Variants in KCNJ6 observed in about 807,000 individuals in gnomAD.
KCNJ6 encodes the protein G protein-activated inward rectifier potassium channel 2.
Under a neutral mutation model 34.2 loss-of-function variants are expected in KCNJ6, and 9 were observed. The ratio of observed to expected loss-of-function variants is 0.26; its 90% CI spans 0.16 to 0.46. The LOEUF is 0.46. Ranked by LOEUF, KCNJ6 falls within the 20% of genes least tolerant of loss-of-function variation. The probability of loss-of-function intolerance (pLI) is 1.00; values close to 1 mark genes in which losing one functional copy is unlikely to be tolerated. For missense variants in KCNJ6, 236 were observed against 531.3 expected, an observed-to-expected ratio of 0.44 and a Z score of 5.46; for synonymous variants, 196 against 207.1, an observed-to-expected ratio of 0.95 and a Z score of 0.46.
At chr21:37,726,182 A>G (rs2054853633) in intron 2 of KCNJ6, among the ~76,000 whole-genome samples, 3 of 152,196 alleles carry the variant, frequency 2.0e-5, no homozygotes, top group Admixed American at 6.5e-5. Flanking sequence ...CTGGGATTAC[A>G]GGTGTGAGCC....
chr21:37,729,778 A>G (rs2054874793), intron 2 of KCNJ6, among the ~76,000 whole-genome samples: 2 of 152,224 alleles, frequency 1.3e-5, no homozygotes, highest in Non-Finnish European at 2.9e-5. Flanking sequence ...AACCTAGTCA[A>G]TGCTTCCCCT....
chr21:37,895,536 A>G (rs2055783433), intron 1 of KCNJ6, among the ~76,000 whole-genome samples: 1 of 152,130 alleles, frequency 6.6e-6, no homozygotes, highest in Non-Finnish European at 1.5e-5. Context: ...ACCTTCACTG[A>G]CCCCATAGAG....
chr21:37,647,606 C>CA (rs1569437032), intron 3 of KCNJ6, among the ~76,000 whole-genome samples: 1 of 152,160 alleles, frequency 6.6e-6, no homozygotes, highest in East Asian at 1.9e-4. Flanking sequence ...TAATCCCCCC[C>CA]AGAGTTAGGC....
At chr21:37,825,093 T>C (rs2055392649) in intron 2 of KCNJ6, among the ~76,000 whole-genome samples, 1 of 152,112 alleles carries the variant, frequency 6.6e-6, no homozygotes, top group South Asian at 2.1e-4. Flanking sequence ...GCATTTAGGG[T>C]CCACCTGGAT....
At chr21:37,870,587 A>ATT (rs201091934) in intron 1 of KCNJ6, among the ~76,000 whole-genome samples, 44,334 of 147,658 alleles carry the variant, frequency 0.3, 7,297 homozygotes, top group African/African-American at 0.46. Context: ...AACAATTCAA[A>ATT]ATTTTGTTTT....
At chr21:37,844,399 A>C (rs2055496417) in intron 1 of KCNJ6, among the ~76,000 whole-genome samples, 1 of 151,910 alleles carries the variant, frequency 6.6e-6, no homozygotes, top group Non-Finnish European at 1.5e-5. Flanking sequence ...GCTGCACTCT[A>C]CTTAGGAGAC....
rs2054242286 is a variant in KCNJ6 at position 37,611,426 on chromosome 21, A to G, written c.*13733T>C. On this transcript the variant is annotated 3_prime_UTR_variant, in exon 4 of 4. Transcript: ENST00000609713. ...ATTCTACCAAAGACTTAAGGAAGAA[A>G]TGATACTGATTATCTACAATCTCTT... The G allele has an allele frequency of 6.6e-6, 1 of 152,246 alleles. No individual in the cohort carries two copies. Among genetic ancestry groups the G allele is most frequent in the Admixed American group, 6.5e-5 (1 of 15,292 alleles). The allele number at this position is 152,246 out of a possible 1,614,324, so 9.4% of individuals were successfully genotyped here.
chr21:37,875,386 C>T (rs549389184), intron 1 of KCNJ6, among the ~76,000 whole-genome samples: 125 of 152,272 alleles, frequency 8.2e-4, no homozygotes, highest in African/African-American at 2.7e-3. Context: ...GCTCGCCCAT[C>T]CTGCTTCCTC....
At chr21:37,889,033 C>T (rs539545438) in intron 1 of KCNJ6, among the ~76,000 whole-genome samples, 1 of 152,326 alleles carries the variant, frequency 6.6e-6, no homozygotes, top group South Asian at 2.1e-4. Context: ...TTCCCCAAAC[C>T]CACTTGCTGT....
intron 1 of KCNJ6, among the ~76,000 whole-genome samples, chr21:37,910,257 A>G (rs1224216447): frequency 6.6e-6 from 1 of 152,222 alleles, no homozygotes; most frequent in Admixed American, 6.5e-5. Flanking sequence ...ACCTTGATGC[A>G]GATTCAGTTA....
At chr21:37,689,574 A>G (rs2054630504) in intron 3 of KCNJ6, among the ~76,000 whole-genome samples, 1 of 152,018 alleles carries the variant, frequency 6.6e-6, no homozygotes, top group Non-Finnish European at 1.5e-5. Flanking sequence ...TTCTTAATAC[A>G]TACTAGGCAC....
chr21:37,854,896 A>G (rs148082593), intron 1 of KCNJ6, among the ~76,000 whole-genome samples: 24 of 152,376 alleles, frequency 1.6e-4, no homozygotes, highest in African/African-American at 5.5e-4. Flanking sequence ...AAGGGGAAAT[A>G]AATCCACGAA....
intron 3 of KCNJ6, among the ~76,000 whole-genome samples, chr21:37,684,893 T>A (rs1033657933): frequency 6.6e-6 from 1 of 152,176 alleles, no homozygotes; most frequent in Non-Finnish European, 1.5e-5. Flanking sequence ...TTTCCAAGTA[T>A]AACATAAAAC....
At chr21:37,881,874 G>T (rs180748796) in intron 1 of KCNJ6, among the ~76,000 whole-genome samples, 20 of 152,224 alleles carry the variant, frequency 1.3e-4, no homozygotes, top group African/African-American at 3.9e-4. Flanking sequence ...AGGACAGCTG[G>T]GTCCTGACAG....
intron 2 of KCNJ6, among the ~76,000 whole-genome samples, chr21:37,793,339 A>G (rs1171331686): frequency 2.6e-5 from 4 of 152,112 alleles, no homozygotes; most frequent in Non-Finnish European, 5.9e-5. Context: ...GACCTGTGAC[A>G]CCATGAGTCA....
intron 3 of KCNJ6, among the ~76,000 whole-genome samples, chr21:37,667,723 C>A (rs2123404808): frequency 6.6e-6 from 1 of 152,144 alleles, no homozygotes; most frequent in South Asian, 2.1e-4. Context: ...GCATTCTCTG[C>A]CTCTGATCAC....
intron 1 of KCNJ6, among the ~76,000 whole-genome samples, chr21:37,894,946 C>T (rs2055780758): frequency 6.6e-6 from 1 of 152,000 alleles, no homozygotes; most frequent in Non-Finnish European, 1.5e-5. Flanking sequence ...TTTCTATTTT[C>T]CTCTTCTTCA....
chr21:37,779,399 T>C (rs1007826821), intron 2 of KCNJ6, among the ~76,000 whole-genome samples: 7 of 152,192 alleles, frequency 4.6e-5, no homozygotes, highest in Non-Finnish European at 1.0e-4. Context: ...TTTCAAGGTA[T>C]AGCAATGAGA....
At chr21:37,767,701 A>G (rs2055098222) in intron 2 of KCNJ6, among the ~76,000 whole-genome samples, 1 of 152,248 alleles carries the variant, frequency 6.6e-6, no homozygotes, top group African/African-American at 2.4e-5. Context: ...TACTGGTTAT[A>G]TTGTGAATAC....
Sources: gnomAD v4.1 joint callset for allele counts (sites outside exome capture counted in the v4.1 genomes callset) on GRCh38, gnomAD v4.1.1 for gene constraint, MANE v1.5 for transcripts, NCBI Gene and HGNC (gene_info 2026-07-23, HGNC 2026-07-21) for gene names.